Variants in KCNN2 observed in about 807,000 individuals in gnomAD.
The protein encoded by KCNN2 is small conductance calcium-activated potassium channel protein 2.
A neutral mutation model predicts 55.5 loss-of-function variants in KCNN2; 24 were observed. The observed-to-expected ratio is 0.43, with a 90% CI of 0.31 to 0.61. The LOEUF (loss-of-function observed/expected upper bound fraction) is 0.61. Ranked by LOEUF, KCNN2 falls within the 20% of genes least tolerant of loss-of-function variation. The pLI is 0.08. For missense variants in KCNN2, 754 were observed against 853.6 expected (o/e 0.88, Z 1.45); for synonymous variants, 431 against 336.1 (o/e 1.28, Z -3.09).
intron 2 of KCNN2, 127 bp downstream of exon 2, chr5:114,364,128 A>G (rs1757533786): frequency 1.5e-6 from 1 of 684,152 alleles, no homozygotes; most frequent in African/African-American, 1.8e-5. Flanking sequence ...CACATGCTGT[A>G]TTGTTACCGT....
chr5:114,214,034 C>A (rs1005847298), intron 1 of KCNN2, among the ~76,000 whole-genome samples: 1 of 152,016 alleles, frequency 6.6e-6, no homozygotes, highest in African/African-American at 2.4e-5. Context: ...TCCTAGGAGA[C>A]AGGTTCTAGC....
chr5:114,110,306 A>G (rs1312073032), intron 1 of KCNN2, among the ~76,000 whole-genome samples: 1 of 152,004 alleles, frequency 6.6e-6, no homozygotes, highest in African/African-American at 2.4e-5. Context: ...GTAAATTATT[A>G]GAACTAAGGC....
intron 2 of KCNN2, among the ~76,000 whole-genome samples, chr5:114,319,706 G>A (rs948017557): frequency 1.3e-5 from 2 of 152,090 alleles, no homozygotes; most frequent in Non-Finnish European, 2.9e-5. Flanking sequence ...ATTGCTCCTC[G>A]CTTCTAAATC....
chr5:114,100,775 T>A lies in KCNN2; in HGVS notation c.-271+44275T>A, dbSNP rs1580513038. ...ATAAGCCAAGCCTAAACTATTTTATTAGGCCAGAAAATAAGACGTATTCAA... is the reference window on the plus strand; with the variant it reads ...ATAAGCCAAGCCTAAACTATTTTATAAGGCCAGAAAATAAGACGTATTCAA... On this transcript the variant is annotated intron_variant, in intron 1 of 10. Transcript: ENST00000512097. 2.6e-5 allele frequency among the ~76,000 whole-genome samples: 4 copies of A among 152,180 alleles called. No individual in the cohort carries two copies. In the South Asian group the frequency reaches 8.3e-4, roughly 32 times the overall value.
intron 1 of KCNN2, among the ~76,000 whole-genome samples, chr5:114,185,184 A>C (rs1341564996): frequency 6.6e-6 from 1 of 152,152 alleles, no homozygotes. Context: ...ACTAGGAGTA[A>C]GTAGAACTCA....
chr5:114,239,637 G>GTATTTTT (rs1046604371), intron 2 of KCNN2, among the ~76,000 whole-genome samples: 4 of 152,094 alleles, frequency 2.6e-5, no homozygotes, highest in African/African-American at 9.7e-5. Flanking sequence ...GGATCCTTTA[G>GTATTTTT]TATTTTTTGT....
At chr5:114,192,300 T>C (rs887421456) in intron 1 of KCNN2, among the ~76,000 whole-genome samples, 3 of 152,180 alleles carry the variant, frequency 2.0e-5, no homozygotes, top group Non-Finnish European at 4.4e-5. Flanking sequence ...TGATGAGCTG[T>C]CTCTTGTTTT....
At chr5:114,467,795 C>A (rs1761525977) in intron 4 of KCNN2, among the ~76,000 whole-genome samples, 1 of 152,162 alleles carries the variant, frequency 6.6e-6, no homozygotes, top group Non-Finnish European at 1.5e-5. Flanking sequence ...ATGGACTCCA[C>A]AATTTCACCC....
chr5:114,316,264 G>A (rs1037712030), intron 2 of KCNN2, among the ~76,000 whole-genome samples: 1 of 152,042 alleles, frequency 6.6e-6, no homozygotes, highest in Admixed American at 6.6e-5. Context: ...TTTTTCCCAT[G>A]ACATCCTGTA....
chr5:114,266,101 C>T (rs1033749447), intron 2 of KCNN2, among the ~76,000 whole-genome samples: 1 of 151,810 alleles, frequency 6.6e-6, no homozygotes, highest in Non-Finnish European at 1.5e-5. Flanking sequence ...GTTTATTTAA[C>T]CTAGTATGCC....
At chr5:114,193,479 G>GTT (rs1561517091) in intron 1 of KCNN2, among the ~76,000 whole-genome samples, 1 of 152,130 alleles carries the variant, frequency 6.6e-6, no homozygotes, top group Non-Finnish European at 1.5e-5. Flanking sequence ...ACAGATAATA[G>GTT]TGTTCCAACA....
chr5:114,173,469 T>A (rs1246755944), intron 1 of KCNN2, among the ~76,000 whole-genome samples: 1 of 148,398 alleles, frequency 6.7e-6, no homozygotes, highest in African/African-American at 2.6e-5. Flanking sequence ...TGTGTGTGTG[T>A]GTGTGTGTGT....
rs896848951 is a variant in KCNN2, at chr5:114,468,696, C to T, written c.1780-4358C>T. Among the ~76,000 whole-genome samples the T allele has an allele frequency of 6.6e-4, 101 of 152,040 alleles. 1 individual carries two copies. Among genetic ancestry groups the T allele is most frequent in the Non-Finnish European group, 1.6e-4 (11 of 68,008 alleles). On this transcript the variant is annotated intron_variant, in intron 4 of 7. Coordinates refer to ENST00000673685, the MANE Select transcript of KCNN2 (RefSeq NM_021614.4). ...GCCATTCTCTGTAGCAGTAAAAATT[C>T]TGGAATTTGTTTAAAAAGTATAAAT...
At chr5:114,109,716 G>A (rs908318770) in intron 1 of KCNN2, among the ~76,000 whole-genome samples, 13 of 152,060 alleles carry the variant, frequency 8.5e-5, no homozygotes, top group African/African-American at 3.1e-4. Flanking sequence ...CCAAACTGTG[G>A]CTCCTTAATG....
At chr5:114,165,459 A>C (rs892271918) in intron 1 of KCNN2, among the ~76,000 whole-genome samples, 46 of 152,222 alleles carry the variant, frequency 3.0e-4, no homozygotes, top group African/African-American at 1.1e-3. Flanking sequence ...TGAAACAATA[A>C]ATTGGTTTAT....
chr5:114,287,897 A>C (rs890530691), intron 2 of KCNN2, among the ~76,000 whole-genome samples: 21 of 152,086 alleles, frequency 1.4e-4, no homozygotes, highest in Non-Finnish European at 4.4e-5. Context: ...TTCTCATTTG[A>C]TGTAGATGAT....
intron 3 of KCNN2, among the ~76,000 whole-genome samples, chr5:114,450,132 C>G (rs1297896602): frequency 6.6e-6 from 1 of 152,242 alleles, no homozygotes; most frequent in African/African-American, 2.4e-5. Context: ...CATCCGTCAG[C>G]TGGCCGCTAC....
intron 3 of KCNN2, among the ~76,000 whole-genome samples, chr5:114,411,656 C>G (rs1759138904): frequency 6.6e-6 from 1 of 152,092 alleles, no homozygotes; most frequent in Non-Finnish European, 1.5e-5. Flanking sequence ...TGTCCCAGCT[C>G]CAGGAGAGAG....
intron 2 of KCNN2, among the ~76,000 whole-genome samples, chr5:114,365,237 G>T (rs1232172363): frequency 6.6e-6 from 1 of 152,122 alleles, no homozygotes; most frequent in African/African-American, 2.4e-5. Flanking sequence ...TGAGGTTGGA[G>T]AATGATAATT....
Sources: allele counts gnomAD v4.1 joint callset (sites outside exome capture counted in the v4.1 genomes callset), GRCh38; gene constraint gnomAD v4.1.1; transcripts MANE v1.5; gene names NCBI Gene and HGNC (gene_info 2026-07-23, HGNC 2026-07-21).